Variants in DLGAP2 observed in about 807,000 individuals in gnomAD.
DLGAP2 encodes DLG associated protein 2.
A neutral mutation model predicts 100.3 loss-of-function variants in DLGAP2; 26 were observed. The observed-to-expected ratio is 0.26, with a 90% confidence interval of 0.19 to 0.36. The LOEUF (loss-of-function observed/expected upper bound fraction) is 0.36, where lower values mean the gene tolerates loss of function less well. Among genes scored for constraint, DLGAP2 ranks in the 10% least tolerant of loss-of-function variants. The pLI is 1.00. For missense variants in DLGAP2, 1,858 were observed against 1,453.2 expected (o/e 1.28, Z -4.53); for synonymous variants, 886 against 630.1 (o/e 1.41, Z -6.08).
chr8:1,349,511 G>C (rs1223710515), intron 3 of DLGAP2, among the ~76,000 whole-genome samples: 29 of 147,920 alleles, frequency 2.0e-4, no homozygotes, highest in African/African-American at 7.1e-4. Context: ...CAGGTAGAAA[G>C]GGGTGTTTGA....
rs112416960 is a variant in DLGAP2 at position 1,498,597 on chromosome 8, G to A, written c.107-2769G>A. ...AGAAAGCCAGAGTGCAGAGCTCACT[G>A]TGTCTGTGCAGCCGTGATAAAGCTC... On this transcript the variant is annotated intron_variant, in intron 3 of 14. Transcript: ENST00000637795. Among the ~76,000 whole-genome samples the A allele has an allele frequency of 7.2e-3, 1,093 of 152,280 alleles. 11 individuals carry two copies. The highest frequency in any genetic ancestry group is 0.025 in the African/African-American group (1,024 of 41,550).
chr8:1,205,229 T>C (rs1409706077), intron 2 of DLGAP2, among the ~76,000 whole-genome samples: 1 of 152,174 alleles, frequency 6.6e-6, no homozygotes, highest in East Asian at 1.9e-4. Context: ...AAGAAGTCAA[T>C]GCTCTGCCTC....
chr8:1,045,132 A>C (rs779673029), intron 2 of DLGAP2, among the ~76,000 whole-genome samples: 3 of 152,110 alleles, frequency 2.0e-5, no homozygotes, highest in Admixed American at 6.5e-5. Flanking sequence ...GAACGCAGAA[A>C]CCCTGGTCTA....
At chr8:1,555,796 T>C (rs1478649651) in intron 5 of DLGAP2, among the ~76,000 whole-genome samples, 1 of 152,246 alleles carries the variant, frequency 6.6e-6, no homozygotes, top group African/African-American at 2.4e-5. Flanking sequence ...TGACGGAAAT[T>C]CCAGCAATGT....
chr8:1,143,132 C>T (rs1311623601), intron 2 of DLGAP2, among the ~76,000 whole-genome samples: 1 of 152,164 alleles, frequency 6.6e-6, no homozygotes, highest in Non-Finnish European at 1.5e-5. Flanking sequence ...CCAGGGTTCT[C>T]TCCTTTATAA....
chr8:1,478,632 C>T (rs1799004571), intron 3 of DLGAP2, among the ~76,000 whole-genome samples: 1 of 152,162 alleles, frequency 6.6e-6, no homozygotes, highest in Non-Finnish European at 1.5e-5. Context: ...ACAAGGCCCT[C>T]CTTTCTCTAT....
intron 3 of DLGAP2, among the ~76,000 whole-genome samples, chr8:1,302,857 G>C (rs1800392498): frequency 6.6e-6 from 1 of 152,252 alleles, no homozygotes; most frequent in African/African-American, 2.4e-5. Context: ...ATTCTTTCCT[G>C]CTGTTCACAG....
At chr8:1,481,974 C>A (rs1245231742) in intron 3 of DLGAP2, among the ~76,000 whole-genome samples, 1 of 152,190 alleles carries the variant, frequency 6.6e-6, no homozygotes, top group African/African-American at 2.4e-5. Context: ...GTAGGAGGGG[C>A]CCCAATGACT....
chr8:1,425,566 C>T (rs1401705947), intron 3 of DLGAP2, among the ~76,000 whole-genome samples: 1 of 152,150 alleles, frequency 6.6e-6, no homozygotes, highest in South Asian at 2.1e-4. Context: ...TCCTCTGGAT[C>T]CCTTGGAGCA....
At chr8:1,318,091 GC>G (rs1800807414) in intron 3 of DLGAP2, among the ~76,000 whole-genome samples, 1 of 69,452 alleles carries the variant, frequency 1.4e-5, no homozygotes, top group Non-Finnish European at 2.9e-5. Context: ...TAGAGCGTGT[GC>G]GAGTGCAGCG....
At chr8:1,528,052 C>T (rs558051214) in intron 4 of DLGAP2, among the ~76,000 whole-genome samples, 57 of 152,332 alleles carry the variant, frequency 3.7e-4, no homozygotes, top group African/African-American at 1.3e-3. Flanking sequence ...GAAAGCTTTG[C>T]CTCTCCTGGA....
intron 2 of DLGAP2, among the ~76,000 whole-genome samples, chr8:957,084 A>G (rs1033095333): frequency 1.3e-5 from 2 of 152,224 alleles, no homozygotes; most frequent in Admixed American, 6.5e-5. Flanking sequence ...GACCATTTGC[A>G]AAGATGTGGG....
intron 2 of DLGAP2, among the ~76,000 whole-genome samples, chr8:1,210,463 G>A (rs1377632943): frequency 6.6e-6 from 1 of 152,230 alleles, no homozygotes; most frequent in East Asian, 1.9e-4. Flanking sequence ...GGAGTGTGTG[G>A]GGGGAAGGAG....
chr8:1,437,053 C>T (rs113099842), intron 3 of DLGAP2, among the ~76,000 whole-genome samples: 13 of 150,570 alleles, frequency 8.6e-5, no homozygotes, highest in South Asian at 2.1e-4. Context: ...GTAAGGGTGA[C>T]GCCATCCGGG....
chr8:1,686,359 G>T (rs1337688953), intron 12 of DLGAP2, among the ~76,000 whole-genome samples: 1 of 152,202 alleles, frequency 6.6e-6, no homozygotes, highest in African/African-American at 2.4e-5. Context: ...GATAAACACT[G>T]CGTAATCTCA....
intron 3 of DLGAP2, among the ~76,000 whole-genome samples, chr8:1,341,223 G>A (rs1174739465): frequency 6.6e-6 from 1 of 152,164 alleles, no homozygotes; most frequent in Admixed American, 6.5e-5. Flanking sequence ...ATGGACCCCT[G>A]AATGTAAAAT....
At chr8:1,641,973 G>A (rs1426124400) in intron 8 of DLGAP2, among the ~76,000 whole-genome samples, 1 of 70,370 alleles carries the variant, frequency 1.4e-5, no homozygotes, top group African/African-American at 1.1e-4. Context: ...CCTCGACCCC[G>A]CCGGTCCCCA....
intron 1 of DLGAP2, among the ~76,000 whole-genome samples, chr8:859,760 G>A (rs1797355314): frequency 6.6e-6 from 1 of 152,112 alleles, no homozygotes; most frequent in Non-Finnish European, 1.5e-5. Flanking sequence ...CCAGGGCCTT[G>A]GTTATTCAAG....
intron 1 of DLGAP2, among the ~76,000 whole-genome samples, chr8:761,622 ATCT>A (rs1374851966): frequency 3.9e-5 from 6 of 152,340 alleles, no homozygotes; most frequent in African/African-American, 9.6e-5. Flanking sequence ...CTTAGGGAAC[ATCT>A]TCTTTCATGT....
Sources: allele counts gnomAD v4.1 joint callset (sites outside exome capture counted in the v4.1 genomes callset), GRCh38; gene constraint gnomAD v4.1.1; transcripts MANE v1.5; gene names NCBI Gene and HGNC (gene_info 2026-07-23, HGNC 2026-07-21).